Variants in GON4L observed in about 807,000 individuals in gnomAD.
GON4L encodes GON-4-like protein.
Under a neutral mutation model 211.8 loss-of-function variants are expected in GON4L, and 87 were observed. That is an observed-to-expected ratio of 0.41 (90% CI 0.35 to 0.49). The LOEUF (loss-of-function observed/expected upper bound fraction) is 0.49, where lower values mean the gene tolerates loss of function less well. GON4L is among the 20% of genes least tolerant of loss of function. The pLI is 0.15. For synonymous variants in GON4L, 875 were observed against 962.6 expected (o/e 0.91, Z 1.68); for missense variants, 2,155 against 2,659.5 (o/e 0.81, Z 4.17).
At chr1:155,752,739 G>A (rs1325968784) in intron 29 of GON4L, 149 bp from the exon 30 acceptor site, 110 of 1,198,028 alleles carry the variant, frequency 9.2e-5, no homozygotes, top group Non-Finnish European at 1.3e-4. Context: ...CCGCACTTTG[G>A]GAAGCCAAAG....
At chr1:155,827,867 G>A (rs1669362173) in intron 2 of GON4L, among the ~76,000 whole-genome samples, 1 of 152,024 alleles carries the variant, frequency 6.6e-6, no homozygotes, top group Non-Finnish European at 1.5e-5. Flanking sequence ...AATTAGGCTA[G>A]GCCAGGTGGC....
At chr1:155,793,041 G>C (rs1665754019) in intron 12 of GON4L, among the ~76,000 whole-genome samples, 1 of 152,068 alleles carries the variant, frequency 6.6e-6, no homozygotes, top group African/African-American at 2.4e-5. Context: ...CAAGTGCCGG[G>C]ATTATAGCCA....
At chr1:155,805,988 GT>G (rs58821661) in intron 10 of GON4L, among the ~76,000 whole-genome samples, 113,423 of 133,320 alleles carry the variant, frequency 0.85, 49,119 homozygotes, top group East Asian at 0.99. Flanking sequence ...CATGCCTGGT[GT>G]TTTTTTTTTT....
At position 155,768,972 on chromosome 1, in the gene GON4L, TTG is replaced by T. The variant is rs1662868719; in HGVS notation, c.2647-1433_2647-1432del. The stretch of plus-strand genomic sequence containing the variant: ...CTGTGCACATCTTTGTACTTTTTGT[TTG>T]TTTCTCTGCTTCTTGATCTTTGAGA... On this transcript the variant is annotated intron_variant, in intron 19 of 31. Transcript: ENST00000368331. Among the ~76,000 whole-genome samples the T allele has an allele frequency of 2.0e-5, 3 of 152,122 alleles. No homozygotes were observed. In the South Asian group the frequency reaches 6.2e-4, roughly 31 times the overall value.
In GON4L at chr1:155,752,236, T is replaced by C. The variant is rs763160488; in HGVS notation, c.6197A>G (p.His2066Arg). ...TTGAGTGTCTGGTTTCCCGGACACATGTCTTCTCCCTGCATCTCTGGTCTT... is the reference window on the plus strand; with the variant it reads ...TTGAGTGTCTGGTTTCCCGGACACACGTCTTCTCCCTGCATCTCTGGTCTT... ...SSKTRDAGRR[H>R]VSGKPDTQER... Residue 2066 changes from histidine (H) to arginine (R), a missense_variant, in exon 30 of 32, where the codon CAT becomes CGT. By Grantham distance (29) the His-to-Arg change is conservative. Around this residue, in one of 6 missense-constraint regions of GON4L, gnomAD observed 186 missense variants for 308.1 expected, o/e 0.60. Transcript: ENST00000368331. 5.6e-6 allele frequency: 9 copies of C among 1,612,054 alleles called. No individual in the cohort carries two copies. The East Asian group carries it at 1.6e-4, about 28-fold the overall frequency.
At chr1:155,852,167 A>G (rs1671856398) in intron 2 of GON4L, among the ~76,000 whole-genome samples, 1 of 150,040 alleles carries the variant, frequency 6.7e-6, no homozygotes, top group African/African-American at 2.4e-5. Flanking sequence ...TGTCACAAAA[A>G]AAAAAAAAAA....
downstream of GON4L, chr1:155,745,868 G>A (rs951979586): frequency 2.1e-6 from 2 of 944,364 alleles, no homozygotes; most frequent in Admixed American, 2.5e-5. Context: ...ACTGCAGTTG[G>A]GACATTTTGC....
intron 10 of GON4L, among the ~76,000 whole-genome samples, chr1:155,806,449 AT>A (rs1667137555): frequency 6.6e-6 from 1 of 150,486 alleles, no homozygotes; most frequent in Non-Finnish European, 1.5e-5. Context: ...TACTCAGCTA[AT>A]TTTTTTCATT....
At chr1:155,828,207 G>A (rs1669398232) in intron 2 of GON4L, among the ~76,000 whole-genome samples, 1 of 151,936 alleles carries the variant, frequency 6.6e-6, no homozygotes, top group Admixed American at 6.6e-5. Context: ...ATTAAAAGTA[G>A]GCTGGGCGCA....
At chr1:155,841,759 G>A (rs1055351956) in intron 2 of GON4L, among the ~76,000 whole-genome samples, 1 of 152,188 alleles carries the variant, frequency 6.6e-6, no homozygotes, top group Admixed American at 6.5e-5. Flanking sequence ...TGGATGCAGT[G>A]GCTCACACCT....
At chr1:155,796,981 G>A (rs1426663824) in intron 11 of GON4L, among the ~76,000 whole-genome samples, 5 of 152,150 alleles carry the variant, frequency 3.3e-5, no homozygotes, top group Admixed American at 3.3e-4. Flanking sequence ...AATATGTATA[G>A]TATGATTCTT....
intron 24 of GON4L, among the ~76,000 whole-genome samples, chr1:155,758,280 A>T (rs1290180149): frequency 2.0e-5 from 3 of 152,232 alleles, no homozygotes; most frequent in African/African-American, 7.2e-5. Context: ...ATATATTTCA[A>T]GTTGTTTGCT....
At position 155,800,553 on chromosome 1, in the gene GON4L, CT is replaced by C. The variant is rs1356930486; in HGVS notation, c.1645+4395del. 6.9e-5 allele frequency among the ~76,000 whole-genome samples: 10 copies of C among 145,192 alleles called. 1 individual carries two copies. The highest frequency in any genetic ancestry group is 2.6e-5 in the African/African-American group (1 of 38,954). ...GCCTGGGGGACAAGAGTGAAACTCT[CT>C]CAAAAAAAAATGGTTTAGGCCAGGT... On this transcript the variant is annotated intron_variant, in intron 11 of 31. Coordinates refer to ENST00000368331, the MANE Select transcript of GON4L (RefSeq NM_001282860.2).
chr1:155,748,437 C>T, downstream of GON4L: 4 of 1,610,958 alleles, frequency 2.5e-6, no homozygotes, highest in South Asian at 1.1e-5. Context: ...ATCCTGGCTA[C>T]AGCCCTGGAC....
At chr1:155,771,636 C>A (rs1403305047) in intron 18 of GON4L, among the ~76,000 whole-genome samples, 1 of 152,054 alleles carries the variant, frequency 6.6e-6, no homozygotes, top group Non-Finnish European at 1.5e-5. Flanking sequence ...CCATGCCGGG[C>A]TAATTTTTTT....
rs1671995094 is a variant in GON4L, at chr1:155,853,433, T to C, written c.348A>G (p.Ile116Met). 1 of 1,614,088 alleles carries C rather than the reference T, an allele frequency of 6.2e-7. No individual in the cohort carries two copies. The highest frequency in any genetic ancestry group is 8.5e-7 in the Non-Finnish European group (1 of 1,179,976). Reference sequence around the variant, plus strand: ...CGTGGAGTTTTCCTTTACCAATGTGTATATTAAGGGGGTGAAAAGACTCCA... The same window carrying C: ...CGTGGAGTTTTCCTTTACCAATGTGCATATTAAGGGGGTGAAAAGACTCCA... ...PSLESFHPLN[I>M]HIGKGKLHAT... The change falls in exon 2 of 32, where the codon ATA becomes ATG. Residue 116 changes from isoleucine to methionine, a missense_variant. By Grantham distance (10) the Ile-to-Met change is conservative. Transcript: ENST00000368331.
At chr1:155,847,057 C>G (rs1671315800) in intron 2 of GON4L, among the ~76,000 whole-genome samples, 1 of 152,162 alleles carries the variant, frequency 6.6e-6, no homozygotes, top group Non-Finnish European at 1.5e-5. Context: ...TTGAAAGACT[C>G]TTTCAGTCTG....
intron 13 of GON4L, chr1:155,785,098 C>CA: frequency 3.5e-6 from 2 of 577,750 alleles, no homozygotes; most frequent in Non-Finnish European, 6.5e-6. Context: ...AGAACCCCCT[C>CA]AAACAAAAAG....
At chr1:155,788,357 G>C (rs747640181) in intron 12 of GON4L, among the ~76,000 whole-genome samples, 1 of 152,212 alleles carries the variant, frequency 6.6e-6, no homozygotes, top group Admixed American at 6.5e-5. Context: ...TGATAAGAAT[G>C]TAAAATGGAA....
Sources: gnomAD v4.1 joint callset for allele counts (sites outside exome capture counted in the v4.1 genomes callset) on GRCh38, gnomAD v4.1.1 for gene constraint, gnomAD v4.1.1 regional missense constraint, MANE v1.5 for transcripts, NCBI Gene and HGNC (gene_info 2026-07-23, HGNC 2026-07-21) for gene names.